ENOX1: variants seen among roughly 807,000 people sequenced by gnomAD.
ENOX1 encodes the protein ecto-NOX disulfide-thiol exchanger 1, also known as candidate growth-related and time keeping constitutive hydroquinone (NADH) oxidase.
A neutral mutation model predicts 82.5 loss-of-function variants in ENOX1; 42 were observed. The observed-to-expected ratio is 0.51, with a 90% CI of 0.40 to 0.66. ENOX1 has a LOEUF of 0.66. Ranked by LOEUF, ENOX1 falls within the 30% of genes least tolerant of loss-of-function variation. The pLI, the probability that ENOX1 is intolerant of heterozygous loss-of-function variation, is 0.00. For missense variants in ENOX1, 608 were observed against 811.6 expected, an observed-to-expected ratio of 0.75 and a Z score of 3.05; for synonymous variants, 271 against 282.2, an observed-to-expected ratio of 0.96 and a Z score of 0.40.
intron 14 of ENOX1, among the ~76,000 whole-genome samples, chr13:43,250,803 A>C: frequency 6.6e-6 from 1 of 152,248 alleles, no homozygotes; most frequent in Non-Finnish European, 1.5e-5. Flanking sequence ...TGTAAAATGT[A>C]TTAAAATACA....
chr13:43,610,908 C>A (rs1313452807), intron 2 of ENOX1, among the ~76,000 whole-genome samples: 1 of 152,204 alleles, frequency 6.6e-6, no homozygotes, highest in African/African-American at 2.4e-5. Flanking sequence ...AGAATTTCAA[C>A]TGACAGTGAC....
At chr13:43,279,951 A>G (rs1460817389) in intron 12 of ENOX1, among the ~76,000 whole-genome samples, 1 of 152,242 alleles carries the variant, frequency 6.6e-6, no homozygotes, top group Non-Finnish European at 1.5e-5. Flanking sequence ...ACCTTGCTGA[A>G]GTAGGAACAT....
intron 12 of ENOX1, among the ~76,000 whole-genome samples, chr13:43,288,894 C>G (rs963048862): frequency 2.0e-5 from 3 of 152,040 alleles, no homozygotes; most frequent in Admixed American, 6.6e-5. Context: ...TAACTGTGTA[C>G]AAAAATCAGT....
intron 14 of ENOX1, among the ~76,000 whole-genome samples, chr13:43,257,634 T>A (rs1191305221): frequency 6.6e-6 from 1 of 152,222 alleles, no homozygotes; most frequent in African/African-American, 2.4e-5. Context: ...CTTTTTATTT[T>A]TTCTGCATTT....
chr13:43,433,912 A>G (rs2055841355), intron 3 of ENOX1, among the ~76,000 whole-genome samples: 1 of 152,188 alleles, frequency 6.6e-6, no homozygotes, highest in Admixed American at 6.5e-5. Flanking sequence ...CATTACTTGT[A>G]CCTGGTAAGG....
At chr13:43,236,609 C>A (rs781226809) in intron 15 of ENOX1, 27 bp downstream of exon 15, 1 of 1,372,696 alleles carries the variant, frequency 7.3e-7, no homozygotes, top group South Asian at 1.3e-5. Flanking sequence ...TTTAAGAGAA[C>A]AGATGAAGAA....
chr13:43,385,393 G>T (rs2052345164), intron 5 of ENOX1, among the ~76,000 whole-genome samples: 1 of 151,290 alleles, frequency 6.6e-6, no homozygotes, highest in Non-Finnish European at 1.5e-5. Context: ...CCACAACAAA[G>T]AACCCTAGTA....
chr13:43,442,725 C>T (rs2056427630), intron 3 of ENOX1, among the ~76,000 whole-genome samples: 1 of 152,148 alleles, frequency 6.6e-6, no homozygotes, highest in African/African-American at 2.4e-5. Flanking sequence ...TCTGTGTCAG[C>T]GTTCACATCA....
intron 2 of ENOX1, among the ~76,000 whole-genome samples, chr13:43,507,035 T>C (rs944965692): frequency 6.6e-6 from 1 of 151,834 alleles, no homozygotes; most frequent in African/African-American, 2.4e-5. Flanking sequence ...ATAGAACTTT[T>C]AAAACTCTAA....
At chr13:43,774,363 G>A (rs1362787542) in intron 1 of ENOX1, among the ~76,000 whole-genome samples, 1 of 152,124 alleles carries the variant, frequency 6.6e-6, no homozygotes, top group African/African-American at 2.4e-5. Context: ...GGACTTAGTC[G>A]GTTCTGAGAG....
chr13:43,326,399 G>A lies in ENOX1; in HGVS notation c.1143+20C>T, dbSNP rs1767521849. On this transcript the variant is annotated intron_variant, in intron 10 of 16. Coordinates refer to ENST00000690772, the MANE Select transcript of ENOX1 (RefSeq NM_001347969.2). Reference sequence around the variant, plus strand: ...CCAGCTGTGTGATGGTGGTTAAAAAGTAATAATAAAATCACCAACCTCAGA... The same window carrying A: ...CCAGCTGTGTGATGGTGGTTAAAAAATAATAATAAAATCACCAACCTCAGA... The A allele has an allele frequency of 1.2e-6, 2 of 1,603,030 alleles. No homozygotes were observed. The highest frequency in any genetic ancestry group is 1.7e-5 in the Admixed American group (1 of 59,986).
intron 2 of ENOX1, among the ~76,000 whole-genome samples, chr13:43,511,771 GA>G (rs1466393583): frequency 6.6e-6 from 1 of 152,112 alleles, no homozygotes; most frequent in Non-Finnish European, 1.5e-5. Context: ...CCTTGTAGGG[GA>G]AAAACTGTCA....
chr13:43,365,721 T>C (rs1416974318), intron 5 of ENOX1, among the ~76,000 whole-genome samples: 3 of 152,264 alleles, frequency 2.0e-5, no homozygotes, highest in Non-Finnish European at 2.9e-5. Flanking sequence ...GGGAAGGAGA[T>C]AGACCCCTCA....
At chr13:43,263,669 A>G (rs560433178) in intron 14 of ENOX1, among the ~76,000 whole-genome samples, 2 of 152,332 alleles carry the variant, frequency 1.3e-5, no homozygotes, top group South Asian at 2.1e-4. Flanking sequence ...ACTTCCACAT[A>G]CATTCTCTCA....
intron 2 of ENOX1, among the ~76,000 whole-genome samples, chr13:43,497,710 C>A (rs1178967633): frequency 6.6e-6 from 1 of 151,926 alleles, no homozygotes; most frequent in East Asian, 1.9e-4. Flanking sequence ...TTAATAATGT[C>A]CTTATCAGGA....
intron 5 of ENOX1, among the ~76,000 whole-genome samples, chr13:43,364,993 A>G (rs1566611879): frequency 1.3e-5 from 2 of 152,128 alleles, no homozygotes; most frequent in Admixed American, 1.3e-4. Flanking sequence ...CAGGAATTAG[A>G]TCAGATCAGA....
At chr13:43,601,189 A>G (rs936846127) in intron 2 of ENOX1, among the ~76,000 whole-genome samples, 5 of 152,268 alleles carry the variant, frequency 3.3e-5, no homozygotes, top group East Asian at 3.9e-4. Context: ...TGAATTAAAT[A>G]AGGCACCAGG....
intron 1 of ENOX1, among the ~76,000 whole-genome samples, chr13:43,779,621 G>C (rs1222764522): frequency 6.6e-6 from 1 of 152,186 alleles, no homozygotes; most frequent in Admixed American, 6.5e-5. Context: ...GGTGGGATCT[G>C]GAAATCAGTA....
intron 2 of ENOX1, among the ~76,000 whole-genome samples, chr13:43,583,000 G>C (rs201210529): frequency 6.0e-5 from 7 of 115,846 alleles, no homozygotes; most frequent in Admixed American, 1.0e-4. Context: ...CAGACAGACA[G>C]ACAGACACAC....
Sources: allele counts gnomAD v4.1 joint callset (sites outside exome capture counted in the v4.1 genomes callset), GRCh38; gene constraint gnomAD v4.1.1; transcripts MANE v1.5; gene names NCBI Gene and HGNC (gene_info 2026-07-23, HGNC 2026-07-21).